The following CLUL1 variants were observed in gnomAD, a reference collection of about 807,000 sequenced individuals.
CLUL1 encodes clusterin-like protein 1.
In CLUL1, 43 loss-of-function variants were observed where a neutral mutation model predicts 49.4. The ratio of observed to expected loss-of-function variants is 0.87; its 90% CI spans 0.68 to 1.12. The LOEUF is 1.12. Among genes scored for constraint, CLUL1 ranks in the 50% most tolerant of loss-of-function variants. The pLI, the probability that CLUL1 is intolerant of heterozygous loss-of-function variation, is 0.00. For missense variants in CLUL1, 486 were observed against 544.4 expected (o/e 0.89, Z 1.07); for synonymous variants, 192 against 184.9 (o/e 1.04, Z -0.31).
Position 641,834 on chromosome 18 carries a change from T to C in CLUL1, c.1209+293T>C, listed in dbSNP as rs114900519. 4.8e-3 allele frequency among the ~76,000 whole-genome samples: 731 copies of C among 152,310 alleles called. 8 individuals are homozygous for C. Among genetic ancestry groups the C allele is most frequent in the African/African-American group, 0.017 (694 of 41,570 alleles). ...TGATAGAGGTAACCTTGAAGAAATA[T>C]GGCCAATGTAGGTTTTAGGAGAGAA... is the stretch of plus-strand genomic sequence containing the variant. On this transcript the variant is annotated intron_variant, in intron 8 of 9. Coordinates refer to ENST00000692774, the MANE Select transcript of CLUL1 (RefSeq NM_001393344.1).
At chr18:629,192 CT>C (rs1042799474) in intron 6 of CLUL1, among the ~76,000 whole-genome samples, 4 of 152,086 alleles carry the variant, frequency 2.6e-5, no homozygotes, top group Admixed American at 6.5e-5. Context: ...GTCCAGTGGA[CT>C]TTTTTTATAA....
chr18:633,211 T>C, intron 6 of CLUL1, 87 bp from the exon 7 acceptor site: 2 of 1,114,896 alleles, frequency 1.8e-6, no homozygotes, highest in South Asian at 1.8e-5. Context: ...TTGAAAGCAC[T>C]GGTAAGAAAA....
chr18:603,181 G>T lies in CLUL1; in HGVS notation c.-135-3797G>T, dbSNP rs547347700. Among the ~76,000 whole-genome samples the T allele has an allele frequency of 1.0e-3, 157 of 152,274 alleles. 1 individual carries two copies. Among genetic ancestry groups the T allele is most frequent in the Non-Finnish European group, 1.6e-3 (109 of 68,016 alleles). ...GACCAGCTACACTGGCATCAGCTGG[G>T]AACTTGTTAGAAATGCAGAATCCCA... On this transcript the variant is annotated intron_variant, in intron 1 of 9. Coordinates refer to ENST00000692774, the MANE Select transcript of CLUL1 (RefSeq NM_001393344.1).
intron 6 of CLUL1, among the ~76,000 whole-genome samples, chr18:630,714 G>A (rs1250375611): frequency 9.7e-6 from 1 of 103,344 alleles, no homozygotes; most frequent in African/African-American, 4.0e-5. Flanking sequence ...TTGAGACAGA[G>A]TCTCGCTCTG....
intron 8 of CLUL1, among the ~76,000 whole-genome samples, chr18:643,131 CA>C (rs11343887): frequency 0.014 from 2,094 of 152,138 alleles, 47 homozygotes; most frequent in African/African-American, 0.048. Context: ...AAAAACCATA[CA>C]AAAAATAGAA....
In CLUL1 at chr18:618,952, CAG is replaced by C. The variant is rs1261972504; in HGVS notation, c.107-260_107-259del. 1.3e-5 allele frequency among the ~76,000 whole-genome samples: 2 copies of C among 151,940 alleles called. No homozygotes were observed. Among genetic ancestry groups the C allele is most frequent in the African/African-American group, 4.8e-5 (2 of 41,338 alleles). On this transcript the variant is annotated intron_variant, in intron 3 of 9. Transcript: ENST00000692774. This position sits in a 1 kb window ranked among gnomAD's most constrained non-coding sequence, Gnocchi z 4.2. The stretch of plus-strand genomic sequence containing the variant: ...AAGAAAAAAAATGGATAAATGAAAA[CAG>C]GGCCTGAGCAAGATGACAAGAATGA...
In CLUL1 at chr18:602,367, G is replaced by C. The variant is rs564553101; in HGVS notation, c.-135-4611G>C. ...TTCCCCTCTCCCTGCCTCCAGGAAG[G>C]GGGGCTGGATCACTGTGGCTCATTG... On this transcript the variant is annotated intron_variant, in intron 1 of 9. Transcript: ENST00000692774. Among the ~76,000 whole-genome samples, 216 of 152,220 alleles carry C rather than the reference G, an allele frequency of 1.4e-3. 1 individual carries two copies. The highest frequency in any genetic ancestry group is 4.8e-3 in the African/African-American group (201 of 41,536).
At chr18:608,498 T>A (rs1215057141) in intron 2 of CLUL1, among the ~76,000 whole-genome samples, 1 of 145,232 alleles carries the variant, frequency 6.9e-6, no homozygotes, top group East Asian at 1.9e-4. Flanking sequence ...ACAATTTTGA[T>A]TAAAACAAAC....
intron 4 of CLUL1, among the ~76,000 whole-genome samples, chr18:624,164 G>C (rs1365826217): frequency 2.6e-5 from 4 of 152,106 alleles, no homozygotes; most frequent in African/African-American, 7.2e-5. Flanking sequence ...TCACCACCCA[G>C]AGCAGGACTT....
chr18:628,116 C>T (rs1032994696), intron 6 of CLUL1, among the ~76,000 whole-genome samples: 5 of 152,210 alleles, frequency 3.3e-5, no homozygotes, highest in African/African-American at 1.2e-4. Flanking sequence ...CGTGAGCCAC[C>T]ATGCATGGCC....
intron 8 of CLUL1, among the ~76,000 whole-genome samples, chr18:643,970 T>C (rs1247514013): frequency 6.6e-6 from 1 of 152,218 alleles, no homozygotes; most frequent in African/African-American, 2.4e-5. Context: ...CTAAACTGCC[T>C]GTGAAGTTAC....
rs34918478 is a variant in CLUL1, at chr18:649,879, C to CTT, written c.1398-5_1398-4dup. On this transcript the variant is annotated intron_variant, in intron 9 of 9. Transcript: ENST00000692774. Reference sequence around the variant, plus strand: ...TTATTAGTATTTTGATCATTGCTGCCTTTTTTTTTTTTTTTAAGGTAAGAA... The same window carrying CTT: ...TTATTAGTATTTTGATCATTGCTGCCTTTTTTTTTTTTTTTTTAAGGTAAGAA... The CTT allele has an allele frequency of 2.1e-3, 2,410 of 1,149,142 alleles. No homozygotes were observed. Among genetic ancestry groups the CTT allele is most frequent in the South Asian group, 3.8e-3 (268 of 69,772 alleles). The allele number at this position is 1,149,142 out of a possible 1,614,324, so 71.2% of individuals were successfully genotyped here.
intron 1 of CLUL1, among the ~76,000 whole-genome samples, chr18:601,122 G>GTATGCC (rs951038906): frequency 2.6e-5 from 4 of 152,214 alleles, no homozygotes; most frequent in Admixed American, 2.0e-4. Context: ...ATTGTCTAAT[G>GTATGCC]TATGCCACTT....
intron 7 of CLUL1, among the ~76,000 whole-genome samples, chr18:636,664 C>T (rs796207605): frequency 1.7e-4 from 22 of 131,672 alleles, no homozygotes; most frequent in African/African-American, 5.7e-4. Flanking sequence ...CTCGCTCTGT[C>T]GCCGAGGCTG....
At position 624,870 on chromosome 18, in the gene CLUL1, C is replaced by A; in HGVS notation, c.261C>A (p.Ala87=). The A allele has an allele frequency of 6.2e-7, 1 of 1,613,454 alleles. No homozygotes were observed. Among genetic ancestry groups the A allele is most frequent in the East Asian group, 2.2e-5 (1 of 44,874 alleles). ...TTGTTTCTACTTTTAACTAGGAGGC[C>A]CTGAAACTTCTGAATGAAGTTCAAG... ...LKKCREEKQE[A]LKLLNEVQEH... Residue 87 remains alanine (A), a synonymous_variant, in exon 5 of 10, where the codon GCC becomes GCA. Coordinates refer to ENST00000692774, the MANE Select transcript of CLUL1 (RefSeq NM_001393344.1).
At chr18:640,424 GAA>G (rs2074310016) in intron 7 of CLUL1, among the ~76,000 whole-genome samples, 1 of 149,682 alleles carries the variant, frequency 6.7e-6, no homozygotes, top group Non-Finnish European at 1.5e-5. Flanking sequence ...AAAAAGAAAA[GAA>G]AAAAGAAAAA....
rs1333514014 is a variant in CLUL1 at position 649,812 on chromosome 18, G to A, written c.1398-86G>A. The A allele has an allele frequency of 1.9e-5, 17 of 898,574 alleles. No individual in the cohort carries two copies. In the Admixed American group the frequency reaches 3.4e-4, roughly 18 times the overall value. The allele number at this position is 898,574 out of a possible 1,614,324, so 55.7% of individuals were successfully genotyped here. A position where few individuals can be genotyped will look rare whatever the true frequency, so the allele number is the denominator to read the frequency against. On this transcript the variant is annotated intron_variant, in intron 9 of 9. Coordinates refer to ENST00000692774, the MANE Select transcript of CLUL1 (RefSeq NM_001393344.1). ...AGCAGGTATTCTATTACCCATCCTG[G>A]ACTTTTACTCCAAGAAAAAATACAC...
chr18:637,405 TTC>T (rs2074177146), intron 7 of CLUL1, among the ~76,000 whole-genome samples: 1 of 152,074 alleles, frequency 6.6e-6, no homozygotes, highest in South Asian at 2.1e-4. Flanking sequence ...TTCCACTTCA[TTC>T]TCTGTCAGCC....
intron 2 of CLUL1, among the ~76,000 whole-genome samples, chr18:608,499 TAAA>T (rs2073044391): frequency 1.4e-5 from 2 of 143,434 alleles, no homozygotes; most frequent in Non-Finnish European, 3.0e-5. Context: ...CAATTTTGAT[TAAA>T]ACAAACAAAC....
Sources: gnomAD v4.1 joint callset for allele counts (sites outside exome capture counted in the v4.1 genomes callset) on GRCh38, gnomAD v4.1.1 for gene constraint, Gnocchi (gnomAD v3.1) non-coding constraint, MANE v1.5 for transcripts, NCBI Gene and HGNC (gene_info 2026-07-23, HGNC 2026-07-21) for gene names.